The following FOXE1 variants were observed in gnomAD, a reference collection of about 807,000 sequenced individuals.
FOXE1 encodes forkhead box protein E1.
Under a neutral mutation model 2.1 loss-of-function variants are expected in FOXE1, and 4 were observed. That is an observed-to-expected ratio of 1.91 (90% CI 0.94 to 4.37). FOXE1 has a LOEUF of 4.37. FOXE1 is among the 30% of genes most tolerant of loss of function. The pLI is 0.01. For synonymous variants in FOXE1, 277 were observed against 272.4 expected, an observed-to-expected ratio of 1.02 and a Z score of -0.17; for missense variants, 574 against 583.3, an observed-to-expected ratio of 0.98 and a Z score of 0.16.
chr9:97,854,690 C>T lies in FOXE1; in HGVS notation c.776C>T (p.Thr259Ile). ...FASAGAPATT[T>I]GYQPAGCTGA... ...TCCGCCGGCGCCCCCGCTACCACCA[C>T]CGGCTACCAGCCCGCAGGCTGCACC... Residue 259 changes from threonine (T) to isoleucine (I), a missense_variant, in exon 1 of 1, where the codon ACC (threonine) becomes ATC (isoleucine). Thr to Ile is a moderately conservative substitution (Grantham distance 89). Transcript: ENST00000375123. 1 of 1,413,906 alleles carries T rather than the reference C, an allele frequency of 7.1e-7. No homozygotes were observed. Among genetic ancestry groups the T allele is most frequent in the African/African-American group, 1.5e-5 (1 of 66,100 alleles). 87.6% of individuals were successfully genotyped at this position (1,413,906 alleles called of 1,614,324 possible).
In FOXE1 at chr9:97,854,341, C is replaced by A; in HGVS notation, c.427C>A (p.Leu143Met). The change falls in exon 1 of 1, where the codon CTG (leucine) becomes ATG (methionine). Residue 143 changes from leucine (L) to methionine (M), a missense_variant. Leu to Met is a conservative substitution (Grantham distance 15, BLOSUM62 2). This residue lies in a region of FOXE1 where 249 missense variants were observed against 269.6 expected (regional missense o/e 0.92). Transcript: ENST00000375123. ...GGACATGTTCGAGAGCGGCAGCTTCCTGCGCCGCCGCAAGCGCTTCAAGCG... is the reference window on the plus strand; with the variant it reads ...GGACATGTTCGAGAGCGGCAGCTTCATGCGCCGCCGCAAGCGCTTCAAGCG... Reference protein sequence around the residue: ...AEDMFESGSFLRRRKRFKRSD... With the variant: ...AEDMFESGSFMRRRKRFKRSD... 2.5e-6 allele frequency: 4 copies of A among 1,601,240 alleles called. No individual in the cohort carries two copies. Among genetic ancestry groups the A allele is most frequent in the Non-Finnish European group, 3.4e-6 (4 of 1,174,156 alleles).
Position 97,854,403 on chromosome 9 carries a change from C to A in FOXE1, c.489C>A (p.Asp163Glu). Residue 163 changes from aspartate (D) to glutamate (E), a missense_variant, in exon 1 of 1, where the codon GAC becomes GAA. Physicochemically the swap from Asp to Glu is conservative, Grantham distance 45. Transcript: ENST00000375123. ...DLSTYPAYMH[D>E]AAAAAAAAAA... Reference sequence around the variant, plus strand: ...CCACCTACCCGGCTTACATGCACGACGCGGCGGCTGCCGCAGCCGCCGCCG... The same window carrying A: ...CCACCTACCCGGCTTACATGCACGAAGCGGCGGCTGCCGCAGCCGCCGCCG... The A allele has an allele frequency of 7.6e-7, 1 of 1,307,490 alleles. No homozygotes were observed. 81.0% of individuals were successfully genotyped at this position (1,307,490 alleles called of 1,614,324 possible).
In FOXE1 at chr9:97,853,783, CG is replaced by C; in HGVS notation, c.-128del. 1 of 834,280 alleles carries C rather than the reference CG, an allele frequency of 1.2e-6. No individual in the cohort carries two copies. Among genetic ancestry groups the C allele is most frequent in the Non-Finnish European group, 1.6e-6 (1 of 632,062 alleles). 51.7% of individuals were successfully genotyped at this position (834,280 alleles called of 1,614,324 possible). A position where few individuals can be genotyped will look rare whatever the true frequency, so the allele number is the denominator to read the frequency against. Reference sequence around the variant, plus strand: ...GTGCCAGCCTGGGCCGCTGGGCTCTCGGGGCCAGCCCGCGACGATCCCCTGA... The same window carrying C: ...GTGCCAGCCTGGGCCGCTGGGCTCTCGGGCCAGCCCGCGACGATCCCCTGA... On this transcript the variant is annotated 5_prime_UTR_variant, in exon 1 of 1. Coordinates refer to ENST00000375123, the MANE Select transcript of FOXE1 (RefSeq NM_004473.4).
rs1249813804 is a variant in FOXE1 at position 97,853,562 on chromosome 9, G to A, written c.-353G>A. ...CCACCCCAACCCAGGGATCACTTCC[G>A]GACCCCTCGACCGCCCGGCACCAGC... On this transcript the variant is annotated 5_prime_UTR_variant, in exon 1 of 1. Transcript: ENST00000375123. The A allele has an allele frequency of 4.4e-5, 12 of 272,336 alleles. No individual in the cohort carries two copies. Among genetic ancestry groups the A allele is most frequent in the East Asian group, 2.0e-4 (3 of 15,048 alleles). The allele number at this position is 272,336 out of a possible 1,614,324, so 16.9% of individuals were successfully genotyped here.
rs2131485302 is a variant in FOXE1 at position 97,853,799 on chromosome 9, C to A, written c.-116C>A. 1 of 946,012 alleles carries A rather than the reference C, an allele frequency of 1.1e-6. No homozygotes were observed. The highest frequency in any genetic ancestry group is 1.4e-6 in the Non-Finnish European group (1 of 733,958). The allele number at this position is 946,012 out of a possible 1,614,324, so 58.6% of individuals were successfully genotyped here. On this transcript the variant is annotated 5_prime_UTR_variant, in exon 1 of 1. Coordinates refer to ENST00000375123, the MANE Select transcript of FOXE1 (RefSeq NM_004473.4). The stretch of plus-strand genomic sequence containing the variant: ...CTGGGCTCTCGGGGCCAGCCCGCGA[C>A]GATCCCCTGAGCTCTCCGCAGAAGG...
At position 97,854,198 on chromosome 9, in the gene FOXE1, A is replaced by G. The variant is rs1480916945; in HGVS notation, c.284A>G (p.Lys95Arg). ...ERFPFYRDNP[K>R]KWQNSIRHNL... ...TTCCCCTTCTACCGCGACAACCCCA[A>G]AAAGTGGCAGAACAGCATCCGCCAC... The change falls in exon 1 of 1, where the codon AAA (lysine) becomes AGA (arginine). Residue 95 changes from lysine to arginine, a missense_variant. Physicochemically the swap from Lys to Arg is conservative, Grantham distance 26. This residue lies in a region of FOXE1 where 249 missense variants were observed against 269.6 expected (regional missense o/e 0.92). Transcript: ENST00000375123. 1.2e-6 allele frequency: 2 copies of G among 1,612,952 alleles called. No homozygotes were observed. Among genetic ancestry groups the G allele is most frequent in the African/African-American group, 2.7e-5 (2 of 74,864 alleles).
Position 97,854,700 on chromosome 9 carries a change from G to C in FOXE1, c.786G>C (p.Gln262His). The C allele has an allele frequency of 7.1e-7, 1 of 1,412,980 alleles. No individual in the cohort carries two copies. Among genetic ancestry groups the C allele is most frequent in the Non-Finnish European group, 9.1e-7 (1 of 1,094,342 alleles). The allele number at this position is 1,412,980 out of a possible 1,614,324, so 87.5% of individuals were successfully genotyped here. Residue 262 changes from glutamine (Q) to histidine (H), a missense_variant, in exon 1 of 1, where the codon CAG (glutamine) becomes CAC (histidine). Physicochemically the swap from Gln to His is conservative, Grantham distance 24 (BLOSUM62 0). This residue lies in a region of FOXE1 where 316 missense variants were observed against 288.4 expected (regional missense o/e 1.10). Transcript: ENST00000375123. ...AGAPATTTGY[Q>H]PAGCTGARPA... ...CCCCCGCTACCACCACCGGCTACCAGCCCGCAGGCTGCACCGGGGCCCGGC... is the reference window on the plus strand; with the variant it reads ...CCCCCGCTACCACCACCGGCTACCACCCCGCAGGCTGCACCGGGGCCCGGC...
chr9:97,855,504 G>A lies in FOXE1; in HGVS notation c.*468G>A, dbSNP rs1830661182. 5.1e-6 allele frequency: 1 copy of A among 195,110 alleles called. No homozygotes were observed. Among genetic ancestry groups the A allele is most frequent in the African/African-American group, 2.4e-5 (1 of 42,174 alleles). The allele number at this position is 195,110 out of a possible 1,614,324, so 12.1% of individuals were successfully genotyped here. On this transcript the variant is annotated 3_prime_UTR_variant, in exon 1 of 1. Coordinates refer to ENST00000375123, the MANE Select transcript of FOXE1 (RefSeq NM_004473.4). Reference sequence around the variant, plus strand: ...GGCAGCGCCTTTCTTCTTAAAGTGAGGAGGACAAATTTGCAAAAGAAATAG... The same window carrying A: ...GGCAGCGCCTTTCTTCTTAAAGTGAAGAGGACAAATTTGCAAAAGAAATAG...
chr9:97,854,760 G>A lies in FOXE1; in HGVS notation c.846G>A (p.Ala282=), dbSNP rs142235457. The stretch of plus-strand genomic sequence containing the variant: ...CCTCCGCCTATGCGGCTGCCTACGC[G>A]GGCCCCGACGGCGCGTACCCGCAGG... The part of the protein sequence containing the change: ...ANPSAYAAAY[A]GPDGAYPQGA... Residue 282 remains alanine (A), a synonymous_variant, in exon 1 of 1, where the codon GCG becomes GCA. Transcript: ENST00000375123. The A allele has an allele frequency of 2.8e-3, 4,154 of 1,484,240 alleles. 106 individuals carry two copies. In the African/African-American group the frequency reaches 0.054, roughly 19 times the overall value. The allele number at this position is 1,484,240 out of a possible 1,614,324, so 91.9% of individuals were successfully genotyped here.
At position 97,854,837 on chromosome 9, in the gene FOXE1, C is replaced by T. The variant is rs1386974111; in HGVS notation, c.923C>T (p.Ser308Leu). The change falls in exon 1 of 1, where the codon TCG becomes TTG. Residue 308 changes from serine (S) to leucine (L), a missense_variant. By Grantham distance (145) the Ser-to-Leu change is moderately radical. Around this residue, in one of 3 missense-constraint regions of FOXE1, gnomAD observed 316 missense variants for 288.4 expected, o/e 1.10. Transcript: ENST00000375123. ...AAAGRLAGPA[S>L]PPAGGSSGGV... is the part of the protein sequence containing the mutation. ...GCTGGCCGCCTGGCGGGACCCGCTT[C>T]GCCCCCAGCGGGCGGCAGCAGTGGC... 2.6e-6 allele frequency: 4 copies of T among 1,545,130 alleles called. No individual in the cohort carries two copies. Among genetic ancestry groups the T allele is most frequent in the South Asian group, 1.2e-5 (1 of 85,208 alleles).
rs1041672816 is a variant in FOXE1 at position 97,855,186 on chromosome 9, C to A, written c.*150C>A. 1.0e-6 allele frequency: 1 copy of A among 1,002,524 alleles called. No homozygotes were observed. Among genetic ancestry groups the A allele is most frequent in the Non-Finnish European group, 1.5e-6 (1 of 650,930 alleles). 62.1% of individuals were successfully genotyped at this position (1,002,524 alleles called of 1,614,324 possible). ...AGAGGCTCGGTCTCCCCGCGCACAG[C>A]GTAGGCACCCGGTGTACTCTGTAAA... is the stretch of plus-strand genomic sequence containing the variant. On this transcript the variant is annotated 3_prime_UTR_variant, in exon 1 of 1. Transcript: ENST00000375123.
rs947491635 is a variant in FOXE1, at chr9:97,855,168, C to G, written c.*132C>G. 9.4e-6 allele frequency: 11 copies of G among 1,174,706 alleles called. No individual in the cohort carries two copies. Among genetic ancestry groups the G allele is most frequent in the Non-Finnish European group, 1.4e-5 (11 of 806,078 alleles). 72.8% of individuals were successfully genotyped at this position (1,174,706 alleles called of 1,614,324 possible). A position where few individuals can be genotyped will look rare whatever the true frequency, so the allele number is the denominator to read the frequency against. Reference sequence around the variant, plus strand: ...AAAGACCGAGCAGGCCACAGAGGCTCGGTCTCCCCGCGCACAGCGTAGGCA... The same window carrying G: ...AAAGACCGAGCAGGCCACAGAGGCTGGGTCTCCCCGCGCACAGCGTAGGCA... On this transcript the variant is annotated 3_prime_UTR_variant, in exon 1 of 1. Transcript: ENST00000375123.
At position 97,853,306 on chromosome 9, in the gene FOXE1, TC is replaced by T. The variant is rs1830614828; in HGVS notation, c.-608del. 1 of 152,516 alleles carries T rather than the reference TC, an allele frequency of 6.6e-6. No homozygotes were observed. The allele number at this position is 152,516 out of a possible 1,614,324, so 9.4% of individuals were successfully genotyped here. ...ACCCACGCCGTGGAGAGGACCAGCC[TC>T]AGGTCGCCCCGCCTGGGCCCGCGCC... On this transcript the variant is annotated 5_prime_UTR_variant, in exon 1 of 1. Transcript: ENST00000375123.
Position 97,854,163 on chromosome 9 carries a change from C to T in FOXE1, c.249C>T (p.Ile83=). The T allele has an allele frequency of 6.2e-7, 1 of 1,612,966 alleles. No individual in the cohort carries two copies. Among genetic ancestry groups the T allele is most frequent in the Non-Finnish European group, 8.5e-7 (1 of 1,179,708 alleles). The part of the protein sequence containing the change: ...RLTLGGIYKF[I]TERFPFYRDN... ...CGCTGGGCGGCATCTACAAGTTCAT[C>T]ACCGAGCGCTTCCCCTTCTACCGCG... The change falls in exon 1 of 1, where the codon ATC becomes ATT. Residue 83 remains isoleucine, a synonymous_variant. Coordinates refer to ENST00000375123, the MANE Select transcript of FOXE1 (RefSeq NM_004473.4).
In FOXE1 at chr9:97,855,239, A is replaced by G. The variant is rs1830657621; in HGVS notation, c.*203A>G. On this transcript the variant is annotated 3_prime_UTR_variant, in exon 1 of 1. Transcript: ENST00000375123. ...GGAGGAGGTGGGGCGAGGCAGCCAGAGCCCTTGGACTGGCACAGGGACCCT... is the reference window on the plus strand; with the variant it reads ...GGAGGAGGTGGGGCGAGGCAGCCAGGGCCCTTGGACTGGCACAGGGACCCT... The G allele has an allele frequency of 1.4e-6, 1 of 696,708 alleles. No homozygotes were observed. The highest frequency in any genetic ancestry group is 1.7e-5 in the South Asian group (1 of 58,302). 43.2% of individuals were successfully genotyped at this position (696,708 alleles called of 1,614,324 possible).
rs1191011188 is a variant in FOXE1 at position 97,855,854 on chromosome 9, G to C, written c.*818G>C. On this transcript the variant is annotated 3_prime_UTR_variant, in exon 1 of 1. Coordinates refer to ENST00000375123, the MANE Select transcript of FOXE1 (RefSeq NM_004473.4). The stretch of plus-strand genomic sequence containing the variant: ...GGAACGGAAAAGAGTTCATGGCCAA[G>C]CGTCTAACCTAAAGTCCCAGGATTG... 6.0e-6 allele frequency: 1 copy of C among 167,062 alleles called. No individual in the cohort carries two copies. The highest frequency in any genetic ancestry group is 2.4e-5 in the African/African-American group (1 of 41,456). The allele number at this position is 167,062 out of a possible 1,614,324, so 10.3% of individuals were successfully genotyped here.
rs1405879296 is a variant in FOXE1 at position 97,855,048 on chromosome 9, G to T, written c.*12G>T. On this transcript the variant is annotated 3_prime_UTR_variant, in exon 1 of 1. Coordinates refer to ENST00000375123, the MANE Select transcript of FOXE1 (RefSeq NM_004473.4). ...TGTCCGCCATGTGAGCCAGCGTAGG[G>T]ACGAAAACTCATAGACACATCGGCT... is the stretch of plus-strand genomic sequence containing the variant. 6.2e-7 allele frequency: 1 copy of T among 1,612,604 alleles called. No individual in the cohort carries two copies. The highest frequency in any genetic ancestry group is 8.5e-7 in the Non-Finnish European group (1 of 1,180,006).
In FOXE1 at chr9:97,854,657, C is replaced by G. The variant is rs538912281; in HGVS notation, c.743C>G (p.Ala248Gly). The change falls in exon 1 of 1, where the codon GCC becomes GGC. Residue 248 changes from alanine to glycine, a missense_variant. Coordinates refer to ENST00000375123, the MANE Select transcript of FOXE1 (RefSeq NM_004473.4). The stretch of plus-strand genomic sequence containing the variant: ...CCGTCGGGGCCCGGCGGCTCTTGCG[C>G]CTTTGCCTCCGCCGGCGCCCCCGCT... ...PAPSGPGGSC[A>G]FASAGAPATT... The G allele has an allele frequency of 4.2e-3, 5,825 of 1,402,532 alleles. 13 individuals are homozygous for G. Among genetic ancestry groups the G allele is most frequent in the Non-Finnish European group, 4.9e-3 (5,370 of 1,087,258 alleles). The allele number at this position is 1,402,532 out of a possible 1,614,324, so 86.9% of individuals were successfully genotyped here. A position where few individuals can be genotyped will look rare whatever the true frequency, so the allele number is the denominator to read the frequency against.
rs1554713191 is a variant in FOXE1 at position 97,854,418 on chromosome 9, A to AGCCGCCGCT, written c.512_513insTGCCGCCGC (p.Ala177_Ala179dup). 16 of 1,219,954 alleles carry AGCCGCCGCT rather than the reference A, an allele frequency of 1.3e-5. No homozygotes were observed. The highest frequency in any genetic ancestry group is 3.3e-5 in the South Asian group (1 of 29,988). The allele number at this position is 1,219,954 out of a possible 1,614,324, so 75.6% of individuals were successfully genotyped here. A position where few individuals can be genotyped will look rare whatever the true frequency, so the allele number is the denominator to read the frequency against. ...ACATGCACGACGCGGCGGCTGCCGC[A>AGCCGCCGCT]GCCGCCGCCGCCGCCGCCGCCGCCG... On this transcript the variant is annotated inframe_insertion, in exon 1 of 1. Transcript: ENST00000375123.
Sources: gnomAD v4.1 joint callset for allele counts on GRCh38, gnomAD v4.1.1 for gene constraint, gnomAD v4.1.1 regional missense constraint, MANE v1.5 for transcripts, NCBI Gene and HGNC (gene_info 2026-07-23, HGNC 2026-07-21) for gene names.